Variants in TTLL5 observed in about 807,000 individuals in gnomAD.
TTLL5 encodes the protein tubulin polyglutamylase TTLL5.
In TTLL5, 132 loss-of-function variants were observed where a neutral mutation model predicts 168.4. The observed-to-expected ratio is 0.78, with a 90% CI of 0.68 to 0.91. The LOEUF (loss-of-function observed/expected upper bound fraction) is 0.91, where lower values mean the gene tolerates loss of function less well. Among genes scored for constraint, TTLL5 ranks in the 40% least tolerant of loss-of-function variants. The pLI, the probability that TTLL5 is intolerant of heterozygous loss-of-function variation, is 0.00. For missense variants in TTLL5, 1,545 were observed against 1,581.5 expected, an observed-to-expected ratio of 0.98 and a Z score of 0.39; for synonymous variants, 546 against 558.6, an observed-to-expected ratio of 0.98 and a Z score of 0.32.
At chr14:75,699,055 C>T (rs1886073035) in intron 6 of TTLL5, 133 bp from the exon 7 acceptor site, 1 of 730,416 alleles carries the variant, frequency 1.4e-6, no homozygotes, top group Non-Finnish European at 2.4e-6. Flanking sequence ...TTAGTTACTG[C>T]CCAACACTTA....
At chr14:75,768,126 A>G (rs1234869615) in intron 20 of TTLL5, among the ~76,000 whole-genome samples, 1 of 152,222 alleles carries the variant, frequency 6.6e-6, no homozygotes, top group Non-Finnish European at 1.5e-5. Flanking sequence ...AAGATTGTTC[A>G]CAAATTTATT....
chr14:75,784,267 A>ATAT (rs1280493375), intron 26 of TTLL5, among the ~76,000 whole-genome samples: 1 of 152,170 alleles, frequency 6.6e-6, no homozygotes, highest in African/African-American at 2.4e-5. Context: ...GGACATTTTT[A>ATAT]TATAAGTAAA....
At chr14:75,737,575 T>C in intron 15 of TTLL5, 1 of 1,535,782 alleles carries the variant, frequency 6.5e-7, no homozygotes, top group African/African-American at 1.4e-5. Context: ...GCGTCCAGTA[T>C]CTGCACAGTT....
chr14:75,911,167 A>G (rs189678426), intron 31 of TTLL5, among the ~76,000 whole-genome samples: 1 of 152,194 alleles, frequency 6.6e-6, no homozygotes, highest in East Asian at 1.9e-4. Flanking sequence ...AGCTGGGATT[A>G]CCGGCATGCG....
At chr14:75,778,672 C>G (rs1891864423) in intron 23 of TTLL5, among the ~76,000 whole-genome samples, 1 of 152,044 alleles carries the variant, frequency 6.6e-6, no homozygotes, top group South Asian at 2.1e-4. Flanking sequence ...TAGCCACTTT[C>G]CTAGAACGTA....
chr14:75,924,333 G>C (rs908327575), intron 31 of TTLL5, among the ~76,000 whole-genome samples: 2 of 151,688 alleles, frequency 1.3e-5, no homozygotes, highest in East Asian at 1.9e-4. Context: ...TCTCGCAGAG[G>C]GGGAGTTGGC....
At chr14:75,789,792 C>T (rs1892587620) in intron 26 of TTLL5, among the ~76,000 whole-genome samples, 1 of 152,148 alleles carries the variant, frequency 6.6e-6, no homozygotes, top group Non-Finnish European at 1.5e-5. Flanking sequence ...CCATTTTCAT[C>T]ACATTGATCT....
chr14:75,670,751 T>A (rs1883675771), intron 3 of TTLL5, among the ~76,000 whole-genome samples: 1 of 152,244 alleles, frequency 6.6e-6, no homozygotes, highest in African/African-American at 2.4e-5. Flanking sequence ...TTGTACATTT[T>A]AAAAATTGGG....
intron 3 of TTLL5, among the ~76,000 whole-genome samples, chr14:75,679,359 A>G (rs772740369): frequency 5.3e-5 from 8 of 152,206 alleles, no homozygotes; most frequent in Non-Finnish European, 1.0e-4. Context: ...AAGCCAAGGA[A>G]TGGAAAAGGG....
At chr14:75,894,446 G>A (rs928397047) in intron 30 of TTLL5, among the ~76,000 whole-genome samples, 2 of 152,068 alleles carry the variant, frequency 1.3e-5, no homozygotes, top group East Asian at 1.9e-4. Context: ...CCAGCTACTC[G>A]GGAGGCTGAG....
chr14:75,850,071 ACT>A (rs1009799665), intron 28 of TTLL5, among the ~76,000 whole-genome samples: 3 of 151,556 alleles, frequency 2.0e-5, no homozygotes, highest in African/African-American at 7.3e-5. Context: ...ATACTACTAC[ACT>A]CTAGTCTGAG....
At chr14:75,768,641 A>G (rs1470119310) in intron 20 of TTLL5, among the ~76,000 whole-genome samples, 2 of 152,130 alleles carry the variant, frequency 1.3e-5, no homozygotes, top group Non-Finnish European at 2.9e-5. Flanking sequence ...AGGAGGGAGT[A>G]TCTCTTCCTA....
At chr14:75,777,381 T>C (rs1015990518) in intron 23 of TTLL5, among the ~76,000 whole-genome samples, 9 of 152,208 alleles carry the variant, frequency 5.9e-5, no homozygotes, top group African/African-American at 2.2e-4. Flanking sequence ...CTGAGGAATT[T>C]GCAATTTCTC....
chr14:75,870,869 A>T (rs764199754), intron 29 of TTLL5, among the ~76,000 whole-genome samples: 1 of 146,346 alleles, frequency 6.8e-6, no homozygotes, highest in Non-Finnish European at 1.5e-5. Context: ...ATCTCGGCTC[A>T]CTGCAAGCTC....
At chr14:75,821,695 T>G (rs1485006848) in intron 28 of TTLL5, among the ~76,000 whole-genome samples, 2 of 152,136 alleles carry the variant, frequency 1.3e-5, no homozygotes, top group Non-Finnish European at 2.9e-5. Context: ...AGATGAAAGA[T>G]GATGAGTTCG....
At chr14:75,812,580 G>C (rs1894116237) in intron 27 of TTLL5, among the ~76,000 whole-genome samples, 1 of 152,150 alleles carries the variant, frequency 6.6e-6, no homozygotes, top group African/African-American at 2.4e-5. Context: ...ACAACATTGA[G>C]AAATAGTAAA....
intron 29 of TTLL5, among the ~76,000 whole-genome samples, chr14:75,870,168 A>G (rs574105174): frequency 6.6e-6 from 1 of 152,056 alleles, no homozygotes; most frequent in African/African-American, 2.4e-5. Context: ...AGTTATTATC[A>G]GGTCTCTTCA....
At chr14:75,679,574 A>G (rs774407611) in intron 3 of TTLL5, among the ~76,000 whole-genome samples, 3 of 152,262 alleles carry the variant, frequency 2.0e-5, no homozygotes, top group African/African-American at 7.2e-5. Flanking sequence ...AAGTGTGGAT[A>G]CATGGATTCT....
intron 31 of TTLL5, among the ~76,000 whole-genome samples, chr14:75,938,987 A>G (rs1188492572): frequency 6.6e-6 from 1 of 152,250 alleles, no homozygotes; most frequent in South Asian, 2.1e-4. Context: ...ACGGGTCGCA[A>G]CCAGGCTCAC....
Sources: gnomAD v4.1 joint callset for allele counts (sites outside exome capture counted in the v4.1 genomes callset) on GRCh38, gnomAD v4.1.1 for gene constraint, MANE v1.5 for transcripts, NCBI Gene and HGNC (gene_info 2026-07-23, HGNC 2026-07-21) for gene names.